TBC1D10A: variants seen among roughly 807,000 people sequenced by gnomAD.
The protein encoded by TBC1D10A is EBP50-PDX interactor of 64 kDa.
Under a neutral mutation model 52.9 loss-of-function variants are expected in TBC1D10A, and 24 were observed. That is an observed-to-expected ratio of 0.45 (90% CI 0.33 to 0.64). TBC1D10A has a LOEUF of 0.64. Among genes scored for constraint, TBC1D10A ranks in the 30% least tolerant of loss-of-function variants. The pLI is 0.02. For synonymous variants in TBC1D10A, 278 were observed against 282.9 expected, an observed-to-expected ratio of 0.98 and a Z score of 0.17; for missense variants, 602 against 687.9, an observed-to-expected ratio of 0.88 and a Z score of 1.40.
At chr22:30,299,672 A>G (rs917242024) in intron 2 of TBC1D10A, 121 bp from the exon 3 acceptor site, 9 of 908,672 alleles carry the variant, frequency 9.9e-6, no homozygotes, top group Admixed American at 2.6e-5. Context: ...AAACAGGGAG[A>G]AAAGAGGACT....
intron 1 of TBC1D10A, among the ~76,000 whole-genome samples, chr22:30,311,407 C>T (rs752278518): frequency 2.0e-5 from 3 of 152,274 alleles, no homozygotes; most frequent in Admixed American, 6.5e-5. Flanking sequence ...CCCGGCCACC[C>T]CTGCCTAGGA....
intron 1 of TBC1D10A, among the ~76,000 whole-genome samples, chr22:30,305,344 T>G (rs921350096): frequency 6.6e-6 from 1 of 152,244 alleles, no homozygotes; most frequent in African/African-American, 2.4e-5. Flanking sequence ...TTGACCCTCA[T>G]GGAGTTGATA....
In TBC1D10A at chr22:30,292,819, A is replaced by T. The variant is rs148156988; in HGVS notation, c.1083T>A (p.Ile361=). ...VVELPVTERQ[I]EREHLIQLRR... is the part of the protein sequence containing the mutation. The stretch of plus-strand genomic sequence containing the variant: ...GCAGCTGAATGAGGTGTTCGCGCTC[A>T]ATCTGGCGCTCTGTCACGGGCAACT... Residue 361 remains isoleucine, a synonymous_variant, in exon 9 of 9, where the codon ATT becomes ATA. Transcript: ENST00000215790. 2.0e-4 allele frequency: 325 copies of T among 1,611,410 alleles called. 1 individual carries two copies. The East Asian group carries it at 7.2e-3, about 36-fold the overall frequency.
chr22:30,296,035 G>T (rs1930073609), intron 3 of TBC1D10A, 192 bp from the exon 4 acceptor site: 3 of 595,814 alleles, frequency 5.0e-6, no homozygotes, highest in Non-Finnish European at 8.9e-6. Flanking sequence ...GGGGCAAAGG[G>T]GCAAGGAGGG....
At chr22:30,318,265 T>C (rs1257837473) in intron 1 of TBC1D10A, among the ~76,000 whole-genome samples, 1 of 152,154 alleles carries the variant, frequency 6.6e-6, no homozygotes, top group Non-Finnish European at 1.5e-5. Flanking sequence ...AAACCCACCC[T>C]TCCCAGTTGC....
intron 8 of TBC1D10A, chr22:30,293,320 CT>C (rs1929993300): frequency 1.6e-6 from 1 of 620,572 alleles, no homozygotes; most frequent in Middle Eastern, 2.6e-4. Flanking sequence ...CTAATTGCCC[CT>C]GAGAGACAAG....
chr22:30,303,442 C>A (rs559901692), intron 2 of TBC1D10A, among the ~76,000 whole-genome samples: 1 of 152,220 alleles, frequency 6.6e-6, no homozygotes, highest in African/African-American at 2.4e-5. Flanking sequence ...ATACAGTCTA[C>A]GAAGCACTTA....
At position 30,314,196 on chromosome 22, in the gene TBC1D10A, T is replaced by C. The variant is rs1174827847; in HGVS notation, c.210-9566A>G. Among the ~76,000 whole-genome samples the C allele has an allele frequency of 2.6e-5, 4 of 152,156 alleles. No homozygotes were observed. The East Asian group carries it at 5.8e-4, about 22-fold the overall frequency. ...AGTGAATCCGGGCCCTGCTCATCTC[T>C]CCCTCTGTCACTCAACTCCACCACC... On this transcript the variant is annotated intron_variant, in intron 1 of 8. Transcript: ENST00000215790.
In TBC1D10A at chr22:30,303,289, T is replaced by TTAGATAGA. The variant is rs562926051; in HGVS notation, c.309+1234_309+1241dup. Among the ~76,000 whole-genome samples the TTAGATAGA allele has an allele frequency of 1.0e-3, 154 of 147,010 alleles. 1 individual carries two copies. The Middle Eastern group carries it at 0.017, about 16-fold the overall frequency. On this transcript the variant is annotated intron_variant, in intron 2 of 8. Coordinates refer to ENST00000215790, the MANE Select transcript of TBC1D10A (RefSeq NM_031937.3). The stretch of plus-strand genomic sequence containing the variant: ...GTGAGACCCTGTCTCAAATAAATAG[T>TTAGATAGA]TAGATAGATAGATAGATAGACAGAC...
At chr22:30,310,789 G>A (rs947559872) in intron 1 of TBC1D10A, among the ~76,000 whole-genome samples, 3 of 152,226 alleles carry the variant, frequency 2.0e-5, no homozygotes, top group Non-Finnish European at 4.4e-5. Flanking sequence ...CCTGGAAGTA[G>A]AGGCTGCCAC....
intron 2 of TBC1D10A, 76 bp downstream of exon 2, chr22:30,304,455 G>C: frequency 6.3e-7 from 1 of 1,599,274 alleles, no homozygotes; most frequent in Non-Finnish European, 8.5e-7. Context: ...TTCCTAAGCT[G>C]ATGAAGTTCC....
chr22:30,307,258 G>A (rs1041434108), intron 1 of TBC1D10A, among the ~76,000 whole-genome samples: 8 of 152,140 alleles, frequency 5.3e-5, no homozygotes, highest in Non-Finnish European at 1.2e-4. Context: ...GGGGGATGTC[G>A]CAAATCTGGC....
chr22:30,312,869 C>A (rs913933268), intron 1 of TBC1D10A, among the ~76,000 whole-genome samples: 1 of 152,154 alleles, frequency 6.6e-6, no homozygotes, highest in Non-Finnish European at 1.5e-5. Flanking sequence ...CCTGAATCTA[C>A]AAAGATGAAT....
At position 30,326,785 on chromosome 22, in the gene TBC1D10A, C is replaced by A. The variant is rs773378461; in HGVS notation, c.97G>T (p.Ala33Ser). The A allele has an allele frequency of 2.7e-6, 4 of 1,502,246 alleles. No homozygotes were observed. The Admixed American group carries it at 8.7e-5, about 33-fold the overall frequency. 93.1% of individuals were successfully genotyped at this position (1,502,246 alleles called of 1,614,324 possible). Residue 33 changes from alanine to serine, a missense_variant, in exon 1 of 9, where the codon GCA (alanine) becomes TCA (serine). This residue lies in a region of TBC1D10A where 201 missense variants were observed against 204.4 expected (regional missense o/e 0.98). Transcript: ENST00000215790. ...AGAGAGCTGAGTTCGTCGGTGGTTG[C>A]GGCGTCGGGGCCCTGGGCCAGGCTC... is the stretch of plus-strand genomic sequence containing the variant. ...RESLAQGPDA[A>S]TTDELSSLGS...
rs1569157990 is a variant in TBC1D10A at position 30,292,587 on chromosome 22, T to A, written c.1315A>T (p.Met439Leu). The A allele has an allele frequency of 6.2e-7, 1 of 1,613,802 alleles. No homozygotes were observed. Among genetic ancestry groups the A allele is most frequent in the Non-Finnish European group, 8.5e-7 (1 of 1,179,902 alleles). Residue 439 changes from methionine (M) to leucine (L), a missense_variant, in exon 9 of 9, where the codon ATG becomes TTG. Around this residue, in one of 3 missense-constraint regions of TBC1D10A, gnomAD observed 265 missense variants for 275.1 expected, o/e 0.96. Coordinates refer to ENST00000215790, the MANE Select transcript of TBC1D10A (RefSeq NM_031937.3). ...KQAQKEQRKQ[M>L]KGRGQLEKPP... ...TTCTCCAGCTGCCCTCTCCCCTTCA[T>A]CTGTTTCCGCTGCTCCTTCTGGGCC...
rs569436004 is a variant in TBC1D10A at position 30,299,548 on chromosome 22, G to A, written c.313C>T (p.Arg105Cys). ...KWMAKKHKKIRLRCQKGIPPS... is the reference protein window; with the variant it reads ...KWMAKKHKKICLRCQKGIPPS... ...GGGATGCCCTTTTGGCACCGCAGAC[G>A]AATCTGAAAATCAAAAGGACAGCTG... Residue 105 changes from arginine (R) to cysteine (C), a missense_variant, in exon 3 of 9, where the codon CGT (arginine) becomes TGT (cysteine). Physicochemically the swap from Arg to Cys is radical, Grantham distance 180. Transcript: ENST00000215790. The A allele has an allele frequency of 1.5e-5, 25 of 1,613,838 alleles. No homozygotes were observed. Among genetic ancestry groups the A allele is most frequent in the South Asian group, 2.2e-5 (2 of 91,072 alleles).
intron 1 of TBC1D10A, among the ~76,000 whole-genome samples, chr22:30,309,626 G>A (rs1192385012): frequency 6.6e-6 from 1 of 152,194 alleles, no homozygotes; most frequent in Non-Finnish European, 1.5e-5. Context: ...CTCCTGGACT[G>A]GAACAGGCTT....
Position 30,294,045 on chromosome 22 carries a change from G to A in TBC1D10A, c.771C>T (p.His257=), listed in dbSNP as rs528019458. 1.2e-6 allele frequency: 2 copies of A among 1,614,158 alleles called. No homozygotes were observed. Among genetic ancestry groups the A allele is most frequent in the African/African-American group, 2.7e-5 (2 of 75,058 alleles). ...CGATCTTCTGACGGCTGAGGTGCTT[G>A]TGGGCCACCGGCGACACCTTCTGCA... ...SLLQKVSPVA[H]KHLSRQKIDP... Residue 257 remains histidine, a synonymous_variant, in exon 7 of 9, where the codon CAC becomes CAT. Coordinates refer to ENST00000215790, the MANE Select transcript of TBC1D10A (RefSeq NM_031937.3).
Position 30,293,808 on chromosome 22 carries a change from G to C in TBC1D10A, c.896-3C>G. 9 of 1,608,292 alleles carry C rather than the reference G, an allele frequency of 5.6e-6. No homozygotes were observed. The highest frequency in any genetic ancestry group is 7.7e-6 in the Non-Finnish European group (9 of 1,175,664). ...CACCCGGAAGATGATCTTGACCCCT[G>C]CATGGGGGATGGGCAGTAAGTACAA... On this transcript the variant is annotated splice_region_variant and splice_polypyrimidine_tract_variant and intron_variant, in intron 7 of 8. Coordinates refer to ENST00000215790, the MANE Select transcript of TBC1D10A (RefSeq NM_031937.3).
Sources: gnomAD v4.1 joint callset for allele counts (sites outside exome capture counted in the v4.1 genomes callset) on GRCh38, gnomAD v4.1.1 for gene constraint, gnomAD v4.1.1 regional missense constraint, MANE v1.5 for transcripts, NCBI Gene and HGNC (gene_info 2026-07-23, HGNC 2026-07-21) for gene names.